Variants in LIMCH1 observed in about 807,000 individuals in gnomAD.
LIMCH1 encodes LIM and calponin homology domains 1, also known as LIM and calponin homology domains-containing protein 1.
LIMCH1 carries 113 observed loss-of-function variants against 176.5 expected under a neutral mutation model. The observed-to-expected ratio is 0.64, with a 90% CI of 0.55 to 0.75. The LOEUF (loss-of-function observed/expected upper bound fraction) is 0.75, where lower values mean the gene tolerates loss of function less well. LIMCH1 is among the 30% of genes least tolerant of loss of function. The probability of loss-of-function intolerance (pLI) is 0.00; values close to 1 mark genes in which losing one functional copy is unlikely to be tolerated. For synonymous variants in LIMCH1, 619 were observed against 645.9 expected, an observed-to-expected ratio of 0.96 and a Z score of 0.63; for missense variants, 1,674 against 1,814.9, an observed-to-expected ratio of 0.92 and a Z score of 1.41.
intron 1 of LIMCH1, among the ~76,000 whole-genome samples, chr4:41,388,549 A>T (rs1173162441): frequency 1.3e-5 from 2 of 152,234 alleles, no homozygotes; most frequent in Non-Finnish European, 2.9e-5. Context: ...ACGCATTTGT[A>T]GTGATGGTTG....
intron 13 of LIMCH1, 121 bp downstream of exon 13, chr4:41,633,929 A>G: frequency 8.5e-7 from 1 of 1,174,264 alleles, no homozygotes; most frequent in Non-Finnish European, 1.2e-6. Context: ...AAACAGAATG[A>G]TCAAAATTGG....
chr4:41,456,025 TTTTTGTTTGTTTG>T lies in LIMCH1; in HGVS notation c.97-38493_97-38481del, dbSNP rs2064550031. Among the ~76,000 whole-genome samples the T allele has an allele frequency of 6.6e-5, 10 of 152,084 alleles. 2 individuals carry two copies. The highest frequency in any genetic ancestry group is 1.7e-4 in the African/African-American group (7 of 41,356). ...AACTCCTGGATGTGAGACACACTTTTTTTTGTTTGTTTGTTTTGTTTGTTTGTTTTTGCCTGCA... is the reference window on the plus strand; with the variant it reads ...AACTCCTGGATGTGAGACACACTTTTTTTTGTTTGTTTGTTTTTGCCTGCA... On this transcript the variant is annotated intron_variant, in intron 1 of 26. Coordinates refer to the LIMCH1 transcript ENST00000313860.
chr4:41,371,846 A>G (rs1345291406), intron 1 of LIMCH1, among the ~76,000 whole-genome samples: 1 of 152,216 alleles, frequency 6.6e-6, no homozygotes, highest in African/African-American at 2.4e-5. Flanking sequence ...ATTCTGAACA[A>G]ATATAGTTGG....
At chr4:41,524,559 T>G in intron 3 of LIMCH1, 1 of 984,144 alleles carries the variant, frequency 1.0e-6, no homozygotes, top group Non-Finnish European at 1.6e-6. Context: ...TTTATTACAG[T>G]TCTCTCCTGC....
At chr4:41,635,919 T>A (rs973058108) in intron 13 of LIMCH1, among the ~76,000 whole-genome samples, 1 of 152,124 alleles carries the variant, frequency 6.6e-6, no homozygotes, top group Non-Finnish European at 1.5e-5. Flanking sequence ...AAAAGTAAAC[T>A]TTATTTTATT....
At chr4:41,651,786 TA>T (rs1364368068) in intron 18 of LIMCH1, among the ~76,000 whole-genome samples, 1 of 152,230 alleles carries the variant, frequency 6.6e-6, no homozygotes, top group African/African-American at 2.4e-5. Flanking sequence ...ATGGCAAAGC[TA>T]AAAAATGTAT....
At chr4:41,463,036 G>A (rs979250594) in intron 1 of LIMCH1, among the ~76,000 whole-genome samples, 5 of 145,576 alleles carry the variant, frequency 3.4e-5, no homozygotes, top group Admixed American at 2.0e-4. Context: ...AATTATCTTG[G>A]GGTGAGGTTG....
chr4:41,631,017 C>T (rs2093291404), intron 9 of LIMCH1, 131 bp from the exon 10 acceptor site: 10 of 778,270 alleles, frequency 1.3e-5, no homozygotes, highest in East Asian at 2.8e-5. Flanking sequence ...GGTTGAATCC[C>T]GTCAGTGGGA....
intron 3 of LIMCH1, among the ~76,000 whole-genome samples, chr4:41,527,610 C>T (rs995090600): frequency 3.9e-5 from 6 of 152,072 alleles, no homozygotes; most frequent in Admixed American, 1.3e-4. Flanking sequence ...CCGAGGCGGG[C>T]GGATCACGAT....
intron 1 of LIMCH1, among the ~76,000 whole-genome samples, chr4:41,483,634 C>T (rs1241377111): frequency 6.6e-6 from 1 of 152,210 alleles, no homozygotes; most frequent in Admixed American, 6.5e-5. Flanking sequence ...ACCTACCACC[C>T]TTCTCATCCC....
At chr4:41,673,242 G>C (rs2095111237) in intron 22 of LIMCH1, among the ~76,000 whole-genome samples, 1 of 152,158 alleles carries the variant, frequency 6.6e-6, no homozygotes, top group Admixed American at 6.5e-5. Flanking sequence ...TGAGTTCATT[G>C]ATGATGGATG....
At chr4:41,433,117 G>A (rs1403092933) in intron 1 of LIMCH1, among the ~76,000 whole-genome samples, 1 of 152,120 alleles carries the variant, frequency 6.6e-6, no homozygotes, top group Non-Finnish European at 1.5e-5. Flanking sequence ...ATTGGAGAAG[G>A]AAAAAAGTAG....
intron 4 of LIMCH1, among the ~76,000 whole-genome samples, chr4:41,608,333 T>A (rs957765702): frequency 1.3e-5 from 2 of 152,232 alleles, no homozygotes; most frequent in African/African-American, 2.4e-5. Flanking sequence ...TTGAACTTGG[T>A]CATGCATCCA....
intron 8 of LIMCH1, among the ~76,000 whole-genome samples, chr4:41,627,961 G>A (rs1278857840): frequency 1.3e-5 from 2 of 152,202 alleles, no homozygotes; most frequent in Non-Finnish European, 2.9e-5. Context: ...GCTCAGGGGA[G>A]TAGTTGGTCT....
At chr4:41,588,974 C>T (rs141830316) in intron 1 of LIMCH1, among the ~76,000 whole-genome samples, 121 of 152,310 alleles carry the variant, frequency 7.9e-4, no homozygotes, top group African/African-American at 2.7e-3. Flanking sequence ...TGCCAAGGAT[C>T]ATTGTCCCAG....
At chr4:41,581,015 A>G (rs1341829496) in intron 1 of LIMCH1, among the ~76,000 whole-genome samples, 4 of 152,182 alleles carry the variant, frequency 2.6e-5, no homozygotes, top group African/African-American at 4.8e-5. Context: ...AAAGGTAAAG[A>G]GTTATCATTC....
chr4:41,524,418 T>A (rs1197241302), exon 3 of LIMCH1: 1 of 1,613,844 alleles, frequency 6.2e-7, no homozygotes, highest in Admixed American at 1.7e-5. Context: ...GGTTGCTGAA[T>A]GCTATAAAGC....
rs561636901 is a variant in LIMCH1 at position 41,396,666 on chromosome 4, C to G, written c.96+35730C>G. Among the ~76,000 whole-genome samples the G allele has an allele frequency of 1.1e-4, 17 of 152,048 alleles. No individual in the cohort carries two copies. In the South Asian group the frequency reaches 2.5e-3, roughly 22 times the overall value. ...CTGTAATCCCAGCGCTTTGGGAGGC[C>G]GAGGTGGGCAGATCACTTGAGGTCA... is the stretch of plus-strand genomic sequence containing the variant. On this transcript the variant is annotated intron_variant, in intron 1 of 26. Transcript: ENST00000313860.
intron 28 of LIMCH1, among the ~76,000 whole-genome samples, chr4:41,687,188 A>G (rs1263865058): frequency 2.6e-5 from 4 of 152,166 alleles, no homozygotes; most frequent in African/African-American, 9.7e-5. Context: ...TTAACTTTTA[A>G]AAGCAAGAGC....
Sources: allele counts gnomAD v4.1 joint callset (sites outside exome capture counted in the v4.1 genomes callset), GRCh38; gene constraint gnomAD v4.1.1; transcripts MANE v1.5; gene names NCBI Gene and HGNC (gene_info 2026-07-23, HGNC 2026-07-21).